The following MED12L variants were observed in gnomAD, a reference collection of about 807,000 sequenced individuals.
MED12L encodes mediator complex subunit 12L, also known as mediator of RNA polymerase II transcription subunit 12-like protein.
In MED12L, 60 loss-of-function variants were observed where a neutral mutation model predicts 281.3. The ratio of observed to expected loss-of-function variants is 0.21; its 90% CI spans 0.17 to 0.26. The LOEUF (loss-of-function observed/expected upper bound fraction) is 0.26, where lower values mean the gene tolerates loss of function less well. MED12L is among the 10% of genes least tolerant of loss of function. The pLI is 1.00. For missense variants in MED12L, 2,146 were observed against 2,680.9 expected, an observed-to-expected ratio of 0.80 and a Z score of 4.41; for synonymous variants, 974 against 987.2, an observed-to-expected ratio of 0.99 and a Z score of 0.25.
intron 7 of MED12L, 123 bp from the exon 8 acceptor site, chr3:151,159,709 C>T: frequency 1.2e-6 from 1 of 869,418 alleles, no homozygotes; most frequent in Non-Finnish European, 1.8e-6. Context: ...TATTGGACAG[C>T]ACTTGCTTTA....
chr3:151,156,175 T>C lies in MED12L; in HGVS notation c.571T>C (p.Ser191Pro), dbSNP rs1719252315. The change falls in exon 6 of 45, where the codon TCT becomes CCT. Residue 191 changes from serine (S) to proline (P), a missense_variant. Ser to Pro is a moderately conservative substitution (Grantham distance 74). Coordinates refer to ENST00000687756, the MANE Select transcript of MED12L (RefSeq NM_001393769.1). The part of the protein sequence containing the change: ...PDPNLEWTQI[S>P]TRYLREQLAK... ...TTAAAATGCAGAGTGGACACAGATA[T>C]CTACCAGATATCTTCGAGAGCAGTT... 2 of 1,608,338 alleles carry C rather than the reference T, an allele frequency of 1.2e-6. No homozygotes were observed. The highest frequency in any genetic ancestry group is 1.7e-6 in the Non-Finnish European group (2 of 1,177,982).
chr3:151,166,092 A>G (rs557861599), intron 11 of MED12L, 110 bp downstream of exon 11: 37 of 842,354 alleles, frequency 4.4e-5, no homozygotes, highest in Non-Finnish European at 6.3e-5. Context: ...GTAGTATCTT[A>G]TGAAGACATA....
intron 16 of MED12L, among the ~76,000 whole-genome samples, chr3:151,210,794 G>C (rs576751973): frequency 1.3e-5 from 2 of 152,302 alleles, no homozygotes; most frequent in South Asian, 2.1e-4. Flanking sequence ...GGAAATAATT[G>C]ACTAGAGCTG....
intron 43 of MED12L, among the ~76,000 whole-genome samples, chr3:151,418,733 A>G (rs1206728781): frequency 3.3e-5 from 5 of 152,224 alleles, no homozygotes; most frequent in Non-Finnish European, 5.9e-5. Flanking sequence ...ATAATTTATG[A>G]GAATAGTTTG....
At chr3:151,095,718 C>A (rs1720623443) in intron 2 of MED12L, among the ~76,000 whole-genome samples, 1 of 152,148 alleles carries the variant, frequency 6.6e-6, no homozygotes, top group Non-Finnish European at 1.5e-5. Flanking sequence ...GCCTGCTTCT[C>A]ACTAAAAACT....
At chr3:151,106,800 A>T (rs561057133) in intron 2 of MED12L, among the ~76,000 whole-genome samples, 2 of 152,286 alleles carry the variant, frequency 1.3e-5, no homozygotes, top group South Asian at 4.1e-4. Context: ...TTTGTCTTGA[A>T]GTCTACTATA....
chr3:151,436,451 T>TTA lies in MED12L; in HGVS notation c.*3649_*3650dup, dbSNP rs1720227710. 2.6e-6 allele frequency: 1 copy of TTA among 385,848 alleles called. No individual in the cohort carries two copies. The highest frequency in any genetic ancestry group is 4.6e-6 in the Non-Finnish European group (1 of 216,524). 23.9% of individuals were successfully genotyped at this position (385,848 alleles called of 1,614,324 possible). ...GAACCGTTTCAATGTTTGTTTATTGTTATTTGTTGGCAAAATAAAAGTGCC... is the reference window on the plus strand; with the variant it reads ...GAACCGTTTCAATGTTTGTTTATTGTTATATTTGTTGGCAAAATAAAAGTGCC... On this transcript the variant is annotated 3_prime_UTR_variant, in exon 45 of 45. Transcript: ENST00000687756.
At chr3:151,385,726 A>G (rs1170101978) in intron 36 of MED12L, among the ~76,000 whole-genome samples, 1 of 151,940 alleles carries the variant, frequency 6.6e-6, no homozygotes, top group Admixed American at 6.6e-5. Context: ...GGGGGGAAAA[A>G]AAAAAAAAAA....
At chr3:151,416,897 A>G (rs1717627607) in intron 43 of MED12L, among the ~76,000 whole-genome samples, 1 of 152,216 alleles carries the variant, frequency 6.6e-6, no homozygotes, top group African/African-American at 2.4e-5. Context: ...ACAGTCGGAT[A>G]GTTCACTTCT....
chr3:151,273,227 CTTTTTTTTTT>C (rs63035061), intron 16 of MED12L, among the ~76,000 whole-genome samples: 12 of 106,166 alleles, frequency 1.1e-4, no homozygotes, highest in Admixed American at 4.2e-4. Flanking sequence ...TTGTTGTGTT[CTTTTTTTTTT>C]TTTTTTTTTT....
At chr3:151,238,828 A>T (rs1272922002) in intron 16 of MED12L, among the ~76,000 whole-genome samples, 1 of 152,252 alleles carries the variant, frequency 6.6e-6, no homozygotes, top group East Asian at 1.9e-4. Context: ...TTTGCTACTT[A>T]TGATTGTCTA....
intron 16 of MED12L, among the ~76,000 whole-genome samples, chr3:151,283,387 A>C (rs1743065076): frequency 6.6e-6 from 1 of 152,258 alleles, no homozygotes; most frequent in Admixed American, 6.5e-5. Flanking sequence ...TTACAAAACA[A>C]AAACTTTTGT....
intron 16 of MED12L, among the ~76,000 whole-genome samples, chr3:151,203,642 G>A (rs1725967463): frequency 6.6e-6 from 1 of 151,628 alleles, no homozygotes. Flanking sequence ...ACAAAAAGAT[G>A]TGTTTTACAG....
intron 32 of MED12L, 95 bp downstream of exon 32, chr3:151,380,319 A>G (rs990810108): frequency 2.1e-5 from 17 of 823,252 alleles, no homozygotes; most frequent in Non-Finnish European, 3.0e-5. Flanking sequence ...AATAAGGGCC[A>G]GGTGTGGTGG....
At chr3:151,166,493 A>C (rs936752842) in intron 11 of MED12L, among the ~76,000 whole-genome samples, 7 of 152,038 alleles carry the variant, frequency 4.6e-5, no homozygotes, top group Admixed American at 1.3e-4. Context: ...ATATCTACCT[A>C]GAGAGAGAAA....
At chr3:151,110,833 C>T (rs190682610) in intron 2 of MED12L, among the ~76,000 whole-genome samples, 2 of 152,090 alleles carry the variant, frequency 1.3e-5, no homozygotes, top group South Asian at 4.2e-4. Flanking sequence ...GTAGAGAATT[C>T]TGAATGGACT....
intron 43 of MED12L, among the ~76,000 whole-genome samples, chr3:151,428,744 C>T (rs1719135505): frequency 6.6e-6 from 1 of 152,164 alleles, no homozygotes; most frequent in African/African-American, 2.4e-5. Context: ...AAATACACGG[C>T]TCCCAGTTAA....
intron 12 of MED12L, among the ~76,000 whole-genome samples, chr3:151,187,410 T>G (rs1456287907): frequency 6.6e-6 from 1 of 152,248 alleles, no homozygotes; most frequent in African/African-American, 2.4e-5. Context: ...AGCCTAAATG[T>G]ATCTATATCT....
chr3:151,106,706 C>T (rs1007852473), intron 2 of MED12L, among the ~76,000 whole-genome samples: 5 of 152,190 alleles, frequency 3.3e-5, no homozygotes, highest in Non-Finnish European at 7.3e-5. Context: ...GTTAGGCACA[C>T]ATGCACCAAT....
Sources: gnomAD v4.1 joint callset for allele counts (sites outside exome capture counted in the v4.1 genomes callset) on GRCh38, gnomAD v4.1.1 for gene constraint, MANE v1.5 for transcripts, NCBI Gene and HGNC (gene_info 2026-07-23, HGNC 2026-07-21) for gene names.